CYFIP2: variants seen among roughly 807,000 people sequenced by gnomAD.
CYFIP2 encodes cytoplasmic FMR1 interacting protein 2, also known as cytoplasmic FMR1-interacting protein 2.
In CYFIP2, 29 loss-of-function variants were observed where a neutral mutation model predicts 158.7. The observed-to-expected ratio is 0.18, with a 90% CI of 0.14 to 0.25. The LOEUF (loss-of-function observed/expected upper bound fraction) is 0.25. Among genes scored for constraint, CYFIP2 ranks in the 10% least tolerant of loss-of-function variants. The pLI is 1.00. For synonymous variants in CYFIP2, 585 were observed against 617.6 expected, an observed-to-expected ratio of 0.95 and a Z score of 0.78; for missense variants, 852 against 1,639.5, an observed-to-expected ratio of 0.52 and a Z score of 8.29.
intron 7 of CYFIP2, among the ~76,000 whole-genome samples, chr5:157,303,887 A>G (rs756400905): frequency 2.0e-5 from 3 of 151,546 alleles, no homozygotes; most frequent in Non-Finnish European, 2.9e-5. Context: ...AAGACATCCT[A>G]GATAAGCCCA....
Position 157,344,794 on chromosome 5 carries a change from G to A in CYFIP2, c.2673+3637G>A, listed in dbSNP as rs112906695. Among the ~76,000 whole-genome samples, 479 of 152,192 alleles carry A rather than the reference G, an allele frequency of 3.1e-3. 3 individuals are homozygous for A. Among genetic ancestry groups the A allele is most frequent in the African/African-American group, 0.011 (449 of 41,512 alleles). On this transcript the variant is annotated intron_variant, in intron 23 of 30. Coordinates refer to ENST00000620254, the MANE Select transcript of CYFIP2 (RefSeq NM_001037333.3). ...GTAAACAGCTGTCAACTGGATTTTCGCCTGCATTGGATATTAAGCCAAACC... is the reference window on the plus strand; with the variant it reads ...GTAAACAGCTGTCAACTGGATTTTCACCTGCATTGGATATTAAGCCAAACC...
intron 9 of CYFIP2, among the ~76,000 whole-genome samples, chr5:157,309,390 AG>A (rs1759516434): frequency 6.6e-6 from 1 of 152,220 alleles, no homozygotes; most frequent in African/African-American, 2.4e-5. Context: ...CATAACAGCA[AG>A]GATGCTTTAA....
chr5:157,327,936 C>G, intron 18 of CYFIP2, 37 bp from the exon 19 acceptor site: 1 of 1,598,422 alleles, frequency 6.3e-7, no homozygotes, highest in Non-Finnish European at 8.6e-7. Flanking sequence ...TAAAGCTGAA[C>G]GGGCACCAGT....
At chr5:157,360,396 G>C (rs1763726083) in intron 25 of CYFIP2, 24 bp downstream of exon 25, 3 of 1,599,864 alleles carry the variant, frequency 1.9e-6, no homozygotes, top group African/African-American at 1.3e-5. Flanking sequence ...AAACAATCCA[G>C]ACCCCTCCCA....
chr5:157,386,544 C>G (rs147963722), intron 28 of CYFIP2, among the ~76,000 whole-genome samples: 2 of 152,140 alleles, frequency 1.3e-5, no homozygotes, highest in Non-Finnish European at 2.9e-5. Context: ...ATGCCTTTTA[C>G]AATATTTATA....
intron 5 of CYFIP2, among the ~76,000 whole-genome samples, chr5:157,298,694 C>T (rs1279922509): frequency 6.6e-6 from 1 of 152,096 alleles, no homozygotes; most frequent in African/African-American, 2.4e-5. Context: ...AAACCCCACG[C>T]CCTTTGGCCA....
chr5:157,391,167 C>T (rs1161598267), intron 30 of CYFIP2, among the ~76,000 whole-genome samples: 2 of 151,876 alleles, frequency 1.3e-5, no homozygotes, highest in Non-Finnish European at 2.9e-5. Flanking sequence ...TGGTATGGGG[C>T]GGGTAGGATG....
At chr5:157,320,537 C>T in intron 14 of CYFIP2, 118 bp from the exon 15 acceptor site, 1 of 1,324,900 alleles carries the variant, frequency 7.5e-7, no homozygotes, top group African/African-American at 1.5e-5. Context: ...GCTTTACAAG[C>T]ACCCCAAGAA....
rs1035081918 is a variant in CYFIP2, at chr5:157,321,827, T to C, written c.1671+1025T>C. Among the ~76,000 whole-genome samples, 3 of 152,182 alleles carry C rather than the reference T, an allele frequency of 2.0e-5. No homozygotes were observed. In the East Asian group the frequency reaches 5.8e-4, roughly 29 times the overall value. On this transcript the variant is annotated intron_variant, in intron 15 of 30. Transcript: ENST00000620254. ...AGCCCTCTGCTAGTTTGCACCAATCTCACCGGCTGGTTGTAGAACGCCCCA... is the reference window on the plus strand; with the variant it reads ...AGCCCTCTGCTAGTTTGCACCAATCCCACCGGCTGGTTGTAGAACGCCCCA...
chr5:157,314,204 G>T (rs1011561537), intron 11 of CYFIP2, 140 bp from the exon 12 acceptor site: 9 of 1,089,466 alleles, frequency 8.3e-6, no homozygotes, highest in African/African-American at 1.6e-5. Flanking sequence ...CTTCAGCAAG[G>T]CACTTGTCTG....
At chr5:157,281,798 A>G (rs1290321408) in intron 1 of CYFIP2, among the ~76,000 whole-genome samples, 1 of 152,206 alleles carries the variant, frequency 6.6e-6, no homozygotes. Flanking sequence ...TCTAGCCCCT[A>G]TCTCTTAACT....
chr5:157,308,551 C>T (rs1478385381), intron 9 of CYFIP2, among the ~76,000 whole-genome samples: 1 of 152,190 alleles, frequency 6.6e-6, no homozygotes, highest in African/African-American at 2.4e-5. Context: ...GCACTGCCGA[C>T]ATGGAGCAAG....
chr5:157,300,087 C>T (rs1758612444), intron 5 of CYFIP2, among the ~76,000 whole-genome samples: 1 of 152,190 alleles, frequency 6.6e-6, no homozygotes, highest in South Asian at 2.1e-4. Context: ...ATGTCTCTCA[C>T]TCTTGGTCTC....
intron 23 of CYFIP2, among the ~76,000 whole-genome samples, chr5:157,349,558 C>T (rs545456471): frequency 1.3e-5 from 2 of 152,268 alleles, no homozygotes; most frequent in South Asian, 2.1e-4. Flanking sequence ...TTTGCAATTG[C>T]GAATTGTGCT....
intron 1 of CYFIP2, chr5:157,277,322 A>G (rs1756639989): frequency 6.6e-6 from 1 of 152,268 alleles, no homozygotes; most frequent in Admixed American, 6.6e-5. Context: ...TGAGCCACTG[A>G]GTCTGGCCTT....
chr5:157,383,259 T>C lies in CYFIP2; in HGVS notation c.3113-6T>C. 1.2e-6 allele frequency: 2 copies of C among 1,613,500 alleles called. No homozygotes were observed. Among genetic ancestry groups the C allele is most frequent in the South Asian group, 2.2e-5 (2 of 90,932 alleles). On this transcript the variant is annotated splice_polypyrimidine_tract_variant and splice_region_variant and intron_variant, in intron 27 of 30. Transcript: ENST00000620254. Reference sequence around the variant, plus strand: ...CTCATTTTCTGCTCTGCGACTCCTTTTGCAGAGGGGGAGCGCCTGGAGGTC... The same window carrying C: ...CTCATTTTCTGCTCTGCGACTCCTTCTGCAGAGGGGGAGCGCCTGGAGGTC...
At chr5:157,348,481 G>A (rs1198855224) in intron 23 of CYFIP2, among the ~76,000 whole-genome samples, 1 of 152,116 alleles carries the variant, frequency 6.6e-6, no homozygotes, top group South Asian at 2.1e-4. Flanking sequence ...GCAAAATTGC[G>A]GCTCACTGCA....
intron 15 of CYFIP2, among the ~76,000 whole-genome samples, chr5:157,322,031 A>G (rs968208234): frequency 6.6e-6 from 1 of 152,172 alleles, no homozygotes; most frequent in African/African-American, 2.4e-5. Flanking sequence ...AAAGGAGAGG[A>G]GAGGAAGGAG....
rs371922795 is a variant in CYFIP2, at chr5:157,369,470, A to T, written c.3039+7872A>T. Among the ~76,000 whole-genome samples, 11 of 152,290 alleles carry T rather than the reference A, an allele frequency of 7.2e-5. 1 individual carries two copies. The highest frequency in any genetic ancestry group is 6.5e-4 in the Admixed American group (10 of 15,300). ...CTAACACAAGGCTCATTAACCATAA[A>T]TCAGGGGAGGGACATTTCAGCTTCC... On this transcript the variant is annotated intron_variant, in intron 26 of 30. Coordinates refer to ENST00000620254, the MANE Select transcript of CYFIP2 (RefSeq NM_001037333.3).
Sources: allele counts gnomAD v4.1 joint callset (sites outside exome capture counted in the v4.1 genomes callset), GRCh38; gene constraint gnomAD v4.1.1; transcripts MANE v1.5; gene names NCBI Gene and HGNC (gene_info 2026-07-23, HGNC 2026-07-21).